CSF2: variants seen among roughly 807,000 people sequenced by gnomAD.
CSF2 encodes the protein granulocyte-macrophage colony-stimulating factor.
CSF2 carries 2 observed loss-of-function variants against 13.5 expected under a neutral mutation model. That is an observed-to-expected ratio of 0.15 (90% confidence interval 0.06 to 0.47). The LOEUF is 0.47. Among genes scored for constraint, CSF2 ranks in the 20% least tolerant of loss-of-function variants. The probability of loss-of-function intolerance (pLI) is 0.97; values close to 1 mark genes in which losing one functional copy is unlikely to be tolerated. For missense variants in CSF2, 141 were observed against 179.7 expected (o/e 0.78, Z 1.23); for synonymous variants, 66 against 69.2 (o/e 0.95, Z 0.23).
In CSF2 at chr5:132,075,850, T is replaced by C; in HGVS notation, c.433T>C (p.Ter145ArgextTer63). 1.2e-6 allele frequency: 2 copies of C among 1,606,338 alleles called. No homozygotes were observed. Among genetic ancestry groups the C allele is most frequent in the Non-Finnish European group, 1.7e-6 (2 of 1,177,212 alleles). ...PFDCWEPVQE[*>R] ...TGACTGCTGGGAGCCAGTCCAGGAGTGAGACCGGCCAGATGAGGCTGGCCA... is the reference window on the plus strand; with the variant it reads ...TGACTGCTGGGAGCCAGTCCAGGAGCGAGACCGGCCAGATGAGGCTGGCCA... Residue 145 changes from the stop codon to arginine, a stop_lost, in exon 4 of 4, where the codon TGA becomes CGA. Coordinates refer to ENST00000296871, the MANE Select transcript of CSF2 (RefSeq NM_000758.4).
In CSF2 at chr5:132,074,130, G is replaced by A; in HGVS notation, c.201+8G>A. The A allele has an allele frequency of 6.2e-7, 1 of 1,613,928 alleles. No homozygotes were observed. Among genetic ancestry groups the A allele is most frequent in the Non-Finnish European group, 8.5e-7 (1 of 1,180,004 alleles). On this transcript the variant is annotated splice_region_variant and intron_variant, in intron 2 of 3. Transcript: ENST00000296871. ...GAAATGTTTGACCTCCAGGTAAGAT[G>A]CTTCTCTCTGACATAGCTTTCCAGA...
chr5:132,075,895 C>A lies in CSF2; in HGVS notation c.*43C>A. ...TGGCCAAGCCGGGGAGCTGCTCTCT[C>A]ATGAAACAAGAGCTAGAAACTCAGG... is the stretch of plus-strand genomic sequence containing the variant. On this transcript the variant is annotated 3_prime_UTR_variant, in exon 4 of 4. Coordinates refer to ENST00000296871, the MANE Select transcript of CSF2 (RefSeq NM_000758.4). 1 of 1,441,300 alleles carries A rather than the reference C, an allele frequency of 6.9e-7. No homozygotes were observed. The highest frequency in any genetic ancestry group is 2.3e-5 in the East Asian group (1 of 43,868). The allele number at this position is 1,441,300 out of a possible 1,614,324, so 89.3% of individuals were successfully genotyped here.
intron 3 of CSF2, 32 bp from the exon 4 acceptor site, chr5:132,075,713 C>T (rs1374980435): frequency 1.3e-6 from 2 of 1,515,194 alleles, no homozygotes; most frequent in Non-Finnish European, 1.8e-6. Flanking sequence ...CTTGCCTGGA[C>T]TCAAGTGTTT....
chr5:132,074,216 C>A, intron 2 of CSF2, 94 bp downstream of exon 2: 1 of 1,405,438 alleles, frequency 7.1e-7, no homozygotes, highest in Non-Finnish European at 1.0e-6. Context: ...CAGGGTTGTC[C>A]ACTTTCTCTC....
At position 132,075,733 on chromosome 5, in the gene CSF2, C is replaced by G; in HGVS notation, c.328-12C>G. 1 of 1,594,506 alleles carries G rather than the reference C, an allele frequency of 6.3e-7. No individual in the cohort carries two copies. The highest frequency in any genetic ancestry group is 8.5e-7 in the Non-Finnish European group (1 of 1,171,338). On this transcript the variant is annotated splice_polypyrimidine_tract_variant and intron_variant, in intron 3 of 3. Transcript: ENST00000296871. ...CTGGACTCAAGTGTTTTTTATTTTTCTTTTTTTAAAGGAAACTTCCTGTGC... is the reference window on the plus strand; with the variant it reads ...CTGGACTCAAGTGTTTTTTATTTTTGTTTTTTTAAAGGAAACTTCCTGTGC...
rs1449756934 is a variant in CSF2 at position 132,073,838 on chromosome 5, C to A, written c.15C>A (p.Ser5Arg). The change falls in exon 1 of 4, where the codon AGC (serine) becomes AGA (arginine). Residue 5 changes from serine (S) to arginine (R), a missense_variant. Physicochemically the swap from Ser to Arg is moderately radical, Grantham distance 110. Transcript: ENST00000296871. The stretch of plus-strand genomic sequence containing the variant: ...TTCTCTGGAGGATGTGGCTGCAGAG[C>A]CTGCTGCTCTTGGGCACTGTGGCCT... MWLQ[S>R]LLLLGTVACS... is the part of the protein sequence containing the mutation. 2 of 1,612,420 alleles carry A rather than the reference C, an allele frequency of 1.2e-6. No homozygotes were observed. The highest frequency in any genetic ancestry group is 1.7e-6 in the Non-Finnish European group (2 of 1,180,040).
intron 3 of CSF2, 38 bp from the exon 4 acceptor site, chr5:132,075,707 C>T (rs1404055105): frequency 6.7e-7 from 1 of 1,483,926 alleles, no homozygotes; most frequent in South Asian, 1.1e-5. Flanking sequence ...TACCCACTTG[C>T]CTGGACTCAA....
At position 132,073,884 on chromosome 5, in the gene CSF2, C is replaced by G. The variant is rs201688947; in HGVS notation, c.61C>G (p.Arg21Gly). Residue 21 changes from arginine to glycine, a missense_variant, in exon 1 of 4, where the codon CGC becomes GGC. Arg to Gly is a moderately radical substitution (Grantham distance 125). Transcript: ENST00000296871. Reference protein sequence around the residue: ...TVACSISAPARSPSPSTQPWE... With the variant: ...TVACSISAPAGSPSPSTQPWE... The stretch of plus-strand genomic sequence containing the variant: ...GGCCTGCAGCATCTCTGCACCCGCC[C>G]GCTCGCCCAGCCCCAGCACGCAGCC... 1.9e-6 allele frequency: 3 copies of G among 1,613,108 alleles called. No individual in the cohort carries two copies.
chr5:132,074,139 TG>T lies in CSF2; in HGVS notation c.201+18del. The T allele has an allele frequency of 6.2e-7, 1 of 1,613,866 alleles. No homozygotes were observed. Among genetic ancestry groups the T allele is most frequent in the Non-Finnish European group, 8.5e-7 (1 of 1,179,978 alleles). Reference sequence around the variant, plus strand: ...GACCTCCAGGTAAGATGCTTCTCTCTGACATAGCTTTCCAGAAGCCCCTGCC... The same window carrying T: ...GACCTCCAGGTAAGATGCTTCTCTCTACATAGCTTTCCAGAAGCCCCTGCC... On this transcript the variant is annotated intron_variant, in intron 2 of 3. Coordinates refer to ENST00000296871, the MANE Select transcript of CSF2 (RefSeq NM_000758.4).
intron 3 of CSF2, 93 bp downstream of exon 3, chr5:132,075,028 A>C (rs1756684385): frequency 6.3e-7 from 1 of 1,587,378 alleles, no homozygotes. Flanking sequence ...GCTGTTCAGG[A>C]CCCCAGGGGG....
intron 2 of CSF2, among the ~76,000 whole-genome samples, chr5:132,074,446 A>T (rs1349040904): frequency 1.3e-5 from 2 of 152,148 alleles, no homozygotes; most frequent in Admixed American, 1.3e-4. Context: ...CCCGAGACCA[A>T]GTCCTGTTGA....
rs372324747 is a variant in CSF2, at chr5:132,074,834, C to T, written c.226C>T (p.Leu76=). The change falls in exon 3 of 4, where the codon CTG becomes TTG. Residue 76 remains leucine, a synonymous_variant. Coordinates refer to ENST00000296871, the MANE Select transcript of CSF2 (RefSeq NM_000758.4). ...LQEPTCLQTR[L]ELYKQGLRGS... is the part of the protein sequence containing the mutation. ...GGAGCCGACCTGCCTACAGACCCGC[C>T]TGGAGCTGTACAAGCAGGGCCTGCG... The T allele has an allele frequency of 3.7e-6, 6 of 1,613,866 alleles. No individual in the cohort carries two copies. Among genetic ancestry groups the T allele is most frequent in the Non-Finnish European group, 5.1e-6 (6 of 1,180,024 alleles).
At chr5:132,074,986 G>A in intron 3 of CSF2, 51 bp downstream of exon 3, 1 of 1,611,790 alleles carries the variant, frequency 6.2e-7, no homozygotes, top group East Asian at 2.2e-5. Context: ...TCTAGGGGGT[G>A]GGGTCGACAT....
rs1756666376 is a variant in CSF2, at chr5:132,073,865, C to T, written c.42C>T (p.Cys14=). The T allele has an allele frequency of 6.2e-7, 1 of 1,612,856 alleles. No homozygotes were observed. The highest frequency in any genetic ancestry group is 1.3e-5 in the African/African-American group (1 of 74,944). ...TGCTGCTCTTGGGCACTGTGGCCTG[C>T]AGCATCTCTGCACCCGCCCGCTCGC... The part of the protein sequence containing the change: ...QSLLLLGTVA[C]SISAPARSPS... Residue 14 remains cysteine (C), a synonymous_variant, in exon 1 of 4, where the codon TGC becomes TGT. Transcript: ENST00000296871.
In CSF2 at chr5:132,074,788, C is replaced by T. The variant is rs2069638; in HGVS notation, c.202-22C>T. The stretch of plus-strand genomic sequence containing the variant: ...CTGTGGGCACTTGGCCACTGCTCAC[C>T]GACGAACGACATTTTCCACAGGAGC... On this transcript the variant is annotated intron_variant, in intron 2 of 3. Transcript: ENST00000296871. The T allele has an allele frequency of 1.4e-3, 2,202 of 1,613,786 alleles. 11 individuals are homozygous for T. In the Middle Eastern group the frequency reaches 0.018, roughly 13 times the overall value.
intron 3 of CSF2, 98 bp downstream of exon 3, chr5:132,075,033 AG>A: frequency 6.3e-7 from 1 of 1,577,764 alleles, no homozygotes; most frequent in South Asian, 1.1e-5. Flanking sequence ...TCAGGACCCC[AG>A]GGGGTTTCTG....
intron 3 of CSF2, 41 bp downstream of exon 3, chr5:132,074,976 T>G: frequency 1.2e-6 from 2 of 1,612,278 alleles, no homozygotes; most frequent in Non-Finnish European, 1.7e-6. Flanking sequence ...AATGTCTTAA[T>G]CTAGGGGGTG....
chr5:132,073,789 A>T lies in CSF2; in HGVS notation c.-35A>T. The T allele has an allele frequency of 6.2e-7, 1 of 1,611,088 alleles. No homozygotes were observed. Among genetic ancestry groups the T allele is most frequent in the South Asian group, 1.1e-5 (1 of 90,976 alleles). Reference sequence around the variant, plus strand: ...TAAGAGCTCTTTTGCCAGTGAGCCCAGTACACAGAGAGAAAGGCTAAAGTT... The same window carrying T: ...TAAGAGCTCTTTTGCCAGTGAGCCCTGTACACAGAGAGAAAGGCTAAAGTT... On this transcript the variant is annotated 5_prime_UTR_variant, in exon 1 of 4. Coordinates refer to ENST00000296871, the MANE Select transcript of CSF2 (RefSeq NM_000758.4).
intron 3 of CSF2, 106 bp from the exon 4 acceptor site, chr5:132,075,639 T>C (rs1580737321): frequency 4.4e-6 from 4 of 899,492 alleles, no homozygotes; most frequent in East Asian, 5.0e-5. Context: ...GTGGGCCTCC[T>C]GGCCTCTGAG....
Sources: gnomAD v4.1 joint callset for allele counts (sites outside exome capture counted in the v4.1 genomes callset) on GRCh38, gnomAD v4.1.1 for gene constraint, MANE v1.5 for transcripts, NCBI Gene and HGNC (gene_info 2026-07-23, HGNC 2026-07-21) for gene names.